LMTK3: variants seen among roughly 807,000 people sequenced by gnomAD.
LMTK3 encodes serine/threonine-protein kinase LMTK3.
Under a neutral mutation model 116.7 loss-of-function variants are expected in LMTK3, and 27 were observed. The observed-to-expected ratio is 0.23, with a 90% CI of 0.17 to 0.32. LMTK3 has a LOEUF of 0.32. Ranked by LOEUF, LMTK3 falls within the 10% of genes least tolerant of loss-of-function variation. LMTK3 has a pLI of 1.00. For missense variants in LMTK3, 1,764 were observed against 2,068.5 expected, an observed-to-expected ratio of 0.85 and a Z score of 2.86; for synonymous variants, 965 against 971.0, an observed-to-expected ratio of 0.99 and a Z score of 0.11.
Position 48,501,423 on chromosome 19 carries a change from T to A in LMTK3, c.880-19A>T. The stretch of plus-strand genomic sequence containing the variant: ...AGTCCTCCTGAGGGAACCAGGGCGG[T>A]GTCAGGCGGGTCAGGGCACCCCACA... On this transcript the variant is annotated intron_variant, in intron 8 of 14. Coordinates refer to ENST00000600059, the MANE Select transcript of LMTK3 (RefSeq NM_001388485.1). The A allele has an allele frequency of 1.2e-6, 2 of 1,612,756 alleles. No individual in the cohort carries two copies. The highest frequency in any genetic ancestry group is 4.5e-5 in the East Asian group (2 of 44,856).
At position 48,493,893 on chromosome 19, in the gene LMTK3, G is replaced by A; in HGVS notation, c.3893C>T (p.Ala1298Val). 1.9e-6 allele frequency: 2 copies of A among 1,053,712 alleles called. No individual in the cohort carries two copies. Among genetic ancestry groups the A allele is most frequent in the East Asian group, 7.7e-5 (1 of 12,960 alleles). The allele number at this position is 1,053,712 out of a possible 1,614,324, so 65.3% of individuals were successfully genotyped here. Reference sequence around the variant, plus strand: ...CGCCCTCCCGGGGCCCCGCGGCCCCGCCGCCGCGCCCGGCGCCGCCGCCTC... The same window carrying A: ...CGCCCTCCCGGGGCCCCGCGGCCCCACCGCCGCGCCCGGCGCCGCCGCCTC... ...DEEAAAPGAAAGPRGPGRARA... is the reference protein window; with the variant it reads ...DEEAAAPGAAVGPRGPGRARA... Residue 1298 changes from alanine (A) to valine (V), a missense_variant, in exon 12 of 15, where the codon GCG becomes GTG. This residue lies in a region of LMTK3 where 281 missense variants were observed against 301.4 expected (regional missense o/e 0.93). Transcript: ENST00000600059.
In LMTK3 at chr19:48,510,370, G is replaced by A. The variant is rs528502867; in HGVS notation, c.210+89C>T. The A allele has an allele frequency of 2.2e-5, 33 of 1,494,472 alleles. No individual in the cohort carries two copies. In the East Asian group the frequency reaches 7.9e-4, roughly 36 times the overall value. 92.6% of individuals were successfully genotyped at this position (1,494,472 alleles called of 1,614,324 possible). A position where few individuals can be genotyped will look rare whatever the true frequency, so the allele number is the denominator to read the frequency against. On this transcript the variant is annotated intron_variant, in intron 2 of 14. Coordinates refer to ENST00000600059, the MANE Select transcript of LMTK3 (RefSeq NM_001388485.1). ...GCTGGAAGGTGCTCTCGGATTTACT[G>A]CCCCCTTCTCCCCACCAACCACCTG... is the stretch of plus-strand genomic sequence containing the variant.
At position 48,494,060 on chromosome 19, in the gene LMTK3, T is replaced by TGGCGTG. The variant is rs1601044135; in HGVS notation, c.3720_3725dup (p.Thr1241_Pro1242dup). ...GCCGCCGCGGGCCCGGCCCCGGGAA[T>TGGCGTG]GGCGTGAGCGTGAGCGGCGGCAGCG... On this transcript the variant is annotated inframe_insertion, in exon 12 of 15. Coordinates refer to ENST00000600059, the MANE Select transcript of LMTK3 (RefSeq NM_001388485.1). The surrounding 1 kb of genome is among the most constrained non-coding windows in gnomAD (Gnocchi z 4.0). The TGGCGTG allele has an allele frequency of 1.7e-6, 2 of 1,193,164 alleles. No individual in the cohort carries two copies. Among genetic ancestry groups the TGGCGTG allele is most frequent in the East Asian group, 7.0e-5 (2 of 28,448 alleles). The allele number at this position is 1,193,164 out of a possible 1,614,324, so 73.9% of individuals were successfully genotyped here. A position where few individuals can be genotyped will look rare whatever the true frequency, so the allele number is the denominator to read the frequency against.
At position 48,502,911 on chromosome 19, in the gene LMTK3, G is replaced by C. The variant is rs1309175735; in HGVS notation, c.643C>G (p.Leu215Val). ...PFLLIMEFCQ[L>V]GDLKRYLRAQ... ...CCCCAACCCCCCAAGACCCTCACCA[G>C]TTGACAGAACTCCATAATCAGCAGA... is the stretch of plus-strand genomic sequence containing the variant. Residue 215 changes from leucine to valine, a missense_variant and splice_region_variant, in exon 6 of 15, where the codon CTG becomes GTG. Leu to Val is a conservative substitution (Grantham distance 32, BLOSUM62 1). This residue lies in a region of LMTK3 where 271 missense variants were observed against 478.2 expected (regional missense o/e 0.57). Transcript: ENST00000600059. The C allele has an allele frequency of 6.2e-6, 10 of 1,609,998 alleles. No homozygotes were observed. Among genetic ancestry groups the C allele is most frequent in the Non-Finnish European group, 8.5e-6 (10 of 1,177,318 alleles).
chr19:48,491,649 C>A lies in LMTK3; in HGVS notation c.4093-110G>T. On this transcript the variant is annotated intron_variant, in intron 12 of 14. Transcript: ENST00000600059. The surrounding 1 kb of genome is among the most constrained non-coding windows in gnomAD (Gnocchi z 5.1). ...TAATATTTCTGGGGCTCTAGGAATC[C>A]CAATTTGTAATCACTGACTCGCACG... 1 of 1,024,784 alleles carries A rather than the reference C, an allele frequency of 9.8e-7. No homozygotes were observed. 63.5% of individuals were successfully genotyped at this position (1,024,784 alleles called of 1,614,324 possible).
chr19:48,488,428 A>G (rs1221955126), intron 14 of LMTK3, among the ~76,000 whole-genome samples: 1 of 151,470 alleles, frequency 6.6e-6, no homozygotes, highest in Admixed American at 6.6e-5. Flanking sequence ...TTCTGCCCCC[A>G]AGAGACCCCA....
intron 14 of LMTK3, among the ~76,000 whole-genome samples, chr19:48,489,293 G>A (rs75877914): frequency 0.055 from 8,441 of 152,236 alleles, 360 homozygotes; most frequent in African/African-American, 0.12. Flanking sequence ...AATAGCTAAT[G>A]GGGCCGGGCA....
intron 1 of LMTK3, among the ~76,000 whole-genome samples, chr19:48,511,011 C>T (rs1972649346): frequency 2.0e-5 from 3 of 152,306 alleles, no homozygotes; most frequent in South Asian, 4.1e-4. Flanking sequence ...AAGATTCTTG[C>T]CCCATGCTGG....
At position 48,510,524 on chromosome 19, in the gene LMTK3, G is replaced by C; in HGVS notation, c.145C>G (p.Leu49Val). The C allele has an allele frequency of 6.3e-7, 1 of 1,599,766 alleles. No homozygotes were observed. The highest frequency in any genetic ancestry group is 8.5e-7 in the Non-Finnish European group (1 of 1,173,546). ...AGGAGGAGGAAGATGAAGGCCAGCAGGCCGGAGCAGGAAATGAGGACCACA... is the reference window on the plus strand; with the variant it reads ...AGGAGGAGGAAGATGAAGGCCAGCACGCCGGAGCAGGAAATGAGGACCACA... ...YAVVLISCSG[L>V]LAFIFLLLTC... is the part of the protein sequence containing the mutation. The change falls in exon 2 of 15, where the codon CTG (leucine) becomes GTG (valine). Residue 49 changes from leucine (L) to valine (V), a missense_variant. Physicochemically the swap from Leu to Val is conservative, Grantham distance 32 (BLOSUM62 1). This residue lies in a region of LMTK3 where 271 missense variants were observed against 478.2 expected (regional missense o/e 0.57). Transcript: ENST00000600059.
rs550436465 is a variant in LMTK3, at chr19:48,498,900, G to T, written c.2169C>A (p.Ala723=). Reference sequence around the variant, plus strand: ...ACTCGGGGGGGGCCGAGGCGGGGGGGGCCATGGGCAAGTCGGCCAGGGAGC... The same window carrying T: ...ACTCGGGGGGGGCCGAGGCGGGGGGTGCCATGGGCAAGTCGGCCAGGGAGC... ...ERGSLADLPM[A]PPASAPPEFL... is the part of the protein sequence containing the mutation. Residue 723 remains alanine (A), a synonymous_variant, in exon 11 of 15, where the codon GCC becomes GCA. Transcript: ENST00000600059. 4 of 1,219,454 alleles carry T rather than the reference G, an allele frequency of 3.3e-6. No individual in the cohort carries two copies. Among genetic ancestry groups the T allele is most frequent in the South Asian group, 5.4e-5 (2 of 36,912 alleles). The allele number at this position is 1,219,454 out of a possible 1,614,324, so 75.5% of individuals were successfully genotyped here.
intron 5 of LMTK3, among the ~76,000 whole-genome samples, chr19:48,507,996 G>A (rs1972598115): frequency 6.6e-6 from 1 of 152,080 alleles, no homozygotes; most frequent in Non-Finnish European, 1.5e-5. Flanking sequence ...AAGGGAAGGG[G>A]CCCCATCCAC....
intron 14 of LMTK3, among the ~76,000 whole-genome samples, chr19:48,486,120 C>T (rs375743417): frequency 3.5e-4 from 43 of 122,060 alleles, no homozygotes; most frequent in East Asian, 2.1e-3. Context: ...AGTGCAGTGG[C>T]GCGATCTCGG....
chr19:48,500,629 G>A lies in LMTK3; in HGVS notation c.1151+367C>T, dbSNP rs1300285491. Among the ~76,000 whole-genome samples, 1 of 152,162 alleles carries A rather than the reference G, an allele frequency of 6.6e-6. No individual in the cohort carries two copies. Among genetic ancestry groups the A allele is most frequent in the Non-Finnish European group, 1.5e-5 (1 of 68,020 alleles). On this transcript the variant is annotated intron_variant, in intron 10 of 14. Transcript: ENST00000600059. This position sits in a 1 kb window ranked among gnomAD's most constrained non-coding sequence, Gnocchi z 4.0. The stretch of plus-strand genomic sequence containing the variant: ...TGGGTATTGAGACCCAAAGAAGCAG[G>A]GGTGGGGGGAAGATGCCCATAGAGA...
In LMTK3 at chr19:48,485,505, G is replaced by T; in HGVS notation, c.*268C>A. ...AGAGTTCAGTTCAGTTCCGAGAAAGGCGGCTCTCTATGGAGGGGCGGGGGG... is the reference window on the plus strand; with the variant it reads ...AGAGTTCAGTTCAGTTCCGAGAAAGTCGGCTCTCTATGGAGGGGCGGGGGG... On this transcript the variant is annotated 3_prime_UTR_variant, in exon 15 of 15. Coordinates refer to ENST00000600059, the MANE Select transcript of LMTK3 (RefSeq NM_001388485.1). 1 of 504,662 alleles carries T rather than the reference G, an allele frequency of 2.0e-6. No homozygotes were observed. Among genetic ancestry groups the T allele is most frequent in the East Asian group, 3.8e-5 (1 of 26,656 alleles). 31.3% of individuals were successfully genotyped at this position (504,662 alleles called of 1,614,324 possible). A position where few individuals can be genotyped will look rare whatever the true frequency, so the allele number is the denominator to read the frequency against.
chr19:48,502,397 T>G, intron 7 of LMTK3, 36 bp downstream of exon 7: 2 of 1,539,372 alleles, frequency 1.3e-6, no homozygotes, highest in East Asian at 2.5e-5. Context: ...CCCCTTCCCC[T>G]TAGTAGCTCC....
intron 4 of LMTK3, among the ~76,000 whole-genome samples, chr19:48,509,186 C>T (rs561777289): frequency 2.5e-4 from 37 of 148,984 alleles, no homozygotes; most frequent in African/African-American, 8.3e-4. Context: ...GACAGACGGA[C>T]GGACGCGTGG....
Position 48,510,161 on chromosome 19 carries a change from G to C in LMTK3, c.223C>G (p.Pro75Ala). The C allele has an allele frequency of 5.0e-6, 8 of 1,612,344 alleles. No homozygotes were observed. The highest frequency in any genetic ancestry group is 1.7e-5 in the Admixed American group (1 of 59,966). ...TCCCCGGAGCAGTCCTCCCCTTCAG[G>C]GTTCTCAAATTCCTGGGGCCAGGAG... ...GDVGFKEFEN[P>A]EGEDCSGEYT... The change falls in exon 3 of 15, where the codon CCT (proline) becomes GCT (alanine). Residue 75 changes from proline (P) to alanine (A), a missense_variant. By Grantham distance (27) the Pro-to-Ala change is conservative. This residue lies in a region of LMTK3 where 271 missense variants were observed against 478.2 expected (regional missense o/e 0.57). Transcript: ENST00000600059.
chr19:48,502,759 A>G, intron 6 of LMTK3, 150 bp downstream of exon 6: 1 of 845,768 alleles, frequency 1.2e-6, no homozygotes, highest in Non-Finnish European at 1.8e-6. Flanking sequence ...GCCAGCCCCC[A>G]GGACAGGCAG....
chr19:48,491,463 G>T lies in LMTK3; in HGVS notation c.4169C>A (p.Pro1390Gln). Residue 1390 changes from proline (P) to glutamine (Q), a missense_variant, in exon 13 of 15, where the codon CCG becomes CAG. Pro to Gln is a moderately conservative substitution (Grantham distance 76). Transcript: ENST00000600059. This position sits in a 1 kb window ranked among gnomAD's most constrained non-coding sequence, Gnocchi z 5.1. ...GGGGGTGGCGGGGTGGGGAGGTGTC[G>T]GGGGCGCTGGAGGCGTTGACGGGTC... is the stretch of plus-strand genomic sequence containing the variant. Reference protein sequence around the residue: ...DTDPSTPPAPPTPPHPATPGD... With the variant: ...DTDPSTPPAPQTPPHPATPGD... The T allele has an allele frequency of 7.0e-7, 1 of 1,419,738 alleles. No homozygotes were observed. The highest frequency in any genetic ancestry group is 9.2e-7 in the Non-Finnish European group (1 of 1,087,586). 87.9% of individuals were successfully genotyped at this position (1,419,738 alleles called of 1,614,324 possible). A position where few individuals can be genotyped will look rare whatever the true frequency, so the allele number is the denominator to read the frequency against.
Sources: allele counts gnomAD v4.1 joint callset (sites outside exome capture counted in the v4.1 genomes callset), GRCh38; gene constraint gnomAD v4.1.1; regional missense constraint gnomAD v4.1.1; non-coding constraint Gnocchi (gnomAD v3.1); transcripts MANE v1.5; gene names NCBI Gene and HGNC (gene_info 2026-07-23, HGNC 2026-07-21).